TAFA1: variants seen among roughly 807,000 people sequenced by gnomAD.
TAFA1 encodes chemokine-like protein TAFA-1.
Under a neutral mutation model 18.5 loss-of-function variants are expected in TAFA1, and 4 were observed. The ratio of observed to expected loss-of-function variants is 0.22; its 90% CI spans 0.11 to 0.49. The LOEUF is 0.49. Among genes scored for constraint, TAFA1 ranks in the 20% least tolerant of loss-of-function variants. The pLI is 0.98. For missense variants in TAFA1, 147 were observed against 169.0 expected, an observed-to-expected ratio of 0.87 and a Z score of 0.72; for synonymous variants, 56 against 55.2, an observed-to-expected ratio of 1.01 and a Z score of -0.06.
chr3:68,335,583 AT>A (rs1005619696), intron 2 of TAFA1, among the ~76,000 whole-genome samples: 1 of 151,818 alleles, frequency 6.6e-6, no homozygotes, highest in Non-Finnish European at 1.5e-5. Flanking sequence ...AGTGGGACAA[AT>A]TTTTTTTTAA....
intron 2 of TAFA1, among the ~76,000 whole-genome samples, chr3:68,308,798 C>G (rs187329328): frequency 2.9e-4 from 44 of 152,244 alleles, no homozygotes; most frequent in Non-Finnish European, 4.7e-4. Flanking sequence ...CTCATACACA[C>G]AAACACACAC....
intron 2 of TAFA1, among the ~76,000 whole-genome samples, chr3:68,385,681 GC>G (rs1044178301): frequency 6.6e-6 from 1 of 151,914 alleles, no homozygotes; most frequent in African/African-American, 2.4e-5. Context: ...ATATCTAGAA[GC>G]CATTACAAAC....
chr3:68,012,653 AT>A (rs1233421212), intron 2 of TAFA1, among the ~76,000 whole-genome samples: 13 of 152,168 alleles, frequency 8.5e-5, no homozygotes, highest in African/African-American at 3.1e-4. Context: ...TATTTTTTGG[AT>A]TCATTTTTGG....
At chr3:68,460,015 G>A (rs536604189) in intron 3 of TAFA1, among the ~76,000 whole-genome samples, 8 of 152,210 alleles carry the variant, frequency 5.3e-5, no homozygotes, top group South Asian at 2.1e-4. Context: ...ATGGACAACT[G>A]CATATCATCT....
intron 2 of TAFA1, among the ~76,000 whole-genome samples, chr3:68,007,423 G>A (rs1215352155): frequency 6.6e-6 from 1 of 151,886 alleles, no homozygotes; most frequent in African/African-American, 2.4e-5. Flanking sequence ...ACCCTTCCAC[G>A]GCCTCGCTCT....
chr3:68,182,765 A>G (rs2066220572), intron 2 of TAFA1, among the ~76,000 whole-genome samples: 1 of 152,132 alleles, frequency 6.6e-6, no homozygotes, highest in Admixed American at 6.5e-5. Flanking sequence ...CGTAAAACAT[A>G]TTGCTTTATG....
intron 2 of TAFA1, among the ~76,000 whole-genome samples, chr3:68,160,584 A>G (rs2065913587): frequency 1.3e-5 from 2 of 152,256 alleles, no homozygotes; most frequent in South Asian, 2.1e-4. Context: ...TAATAATAGT[A>G]TCCACCTCAG....
At chr3:68,066,127 T>C (rs762278138) in intron 2 of TAFA1, among the ~76,000 whole-genome samples, 2 of 152,160 alleles carry the variant, frequency 1.3e-5, no homozygotes, top group Non-Finnish European at 2.9e-5. Context: ...ATTGTAGTGA[T>C]GGTTTCACAG....
At chr3:68,002,966 T>C (rs1317094709), upstream of TAFA1, among the ~76,000 whole-genome samples, 1 of 152,228 alleles carries the variant, frequency 6.6e-6, no homozygotes, top group Non-Finnish European at 1.5e-5. Flanking sequence ...GCTGTTATTA[T>C]TTTTTTATCT....
intron 3 of TAFA1, among the ~76,000 whole-genome samples, chr3:68,466,741 A>G (rs560441573): frequency 3.8e-4 from 58 of 152,314 alleles, no homozygotes; most frequent in African/African-American, 1.4e-3. Flanking sequence ...AGGGGCAGTC[A>G]TACTAAGATC....
At chr3:68,081,356 G>A (rs1362067693) in intron 2 of TAFA1, among the ~76,000 whole-genome samples, 1 of 152,090 alleles carries the variant, frequency 6.6e-6, no homozygotes. Flanking sequence ...TTGCTGGTGA[G>A]GACCTGCGTT....
At position 68,229,838 on chromosome 3, in the gene TAFA1, A is replaced by G. The variant is rs2066848703; in HGVS notation, c.119-187442A>G. Among the ~76,000 whole-genome samples the G allele has an allele frequency of 3.3e-5, 5 of 152,334 alleles. No individual in the cohort carries two copies. The East Asian group carries it at 9.6e-4, about 29-fold the overall frequency. On this transcript the variant is annotated intron_variant, in intron 2 of 4. Coordinates refer to ENST00000478136, the MANE Select transcript of TAFA1 (RefSeq NM_213609.4). The stretch of plus-strand genomic sequence containing the variant: ...CCCTTAAGGCTCAGTTTCTTCATCT[A>G]TATAACGGAGAGATATATAATGCTT...
At chr3:68,300,534 G>C (rs1470935671) in intron 2 of TAFA1, among the ~76,000 whole-genome samples, 1 of 152,116 alleles carries the variant, frequency 6.6e-6, no homozygotes, top group Non-Finnish European at 1.5e-5. Context: ...GGGCTTTTGG[G>C]TTAATGCTGG....
chr3:68,463,545 A>G (rs1416389586), intron 3 of TAFA1, among the ~76,000 whole-genome samples: 1 of 152,048 alleles, frequency 6.6e-6, no homozygotes, highest in Non-Finnish European at 1.5e-5. Context: ...TGTGTTGTGT[A>G]ACTTCTCTAC....
At chr3:68,267,869 C>T (rs182946952) in intron 2 of TAFA1, among the ~76,000 whole-genome samples, 11 of 152,184 alleles carry the variant, frequency 7.2e-5, no homozygotes, top group South Asian at 2.1e-4. Context: ...GAAGACTACT[C>T]GCACACGATA....
chr3:68,141,636 G>T (rs569188339), intron 2 of TAFA1, among the ~76,000 whole-genome samples: 18 of 152,262 alleles, frequency 1.2e-4, no homozygotes, highest in African/African-American at 4.1e-4. Context: ...GATAAGTTTT[G>T]GTCTGCTGGC....
intron 3 of TAFA1, among the ~76,000 whole-genome samples, chr3:68,514,691 A>T (rs1443868144): frequency 1.3e-5 from 2 of 150,626 alleles, no homozygotes; most frequent in East Asian, 4.0e-4. Context: ...GCCTAGTTTT[A>T]TATAACACCA....
At chr3:68,112,120 A>G (rs2065270002) in intron 2 of TAFA1, among the ~76,000 whole-genome samples, 1 of 152,102 alleles carries the variant, frequency 6.6e-6, no homozygotes, top group Non-Finnish European at 1.5e-5. Context: ...ACTCATATAG[A>G]GAAGAGACAG....
rs184880528 is a variant in TAFA1 at position 68,432,254 on chromosome 3, G to A, written c.259+14834G>A. 5.9e-5 allele frequency among the ~76,000 whole-genome samples: 9 copies of A among 151,916 alleles called. No individual in the cohort carries two copies. In the East Asian group the frequency reaches 1.2e-3, roughly 20 times the overall value. On this transcript the variant is annotated intron_variant, in intron 3 of 4. Coordinates refer to ENST00000478136, the MANE Select transcript of TAFA1 (RefSeq NM_213609.4). The stretch of plus-strand genomic sequence containing the variant: ...CTCATTTCATAACGTGTCCTTAAAC[G>A]TATTACCCTCTTGGAACCACAGTCT...
Sources: allele counts gnomAD v4.1 joint callset (sites outside exome capture counted in the v4.1 genomes callset), GRCh38; gene constraint gnomAD v4.1.1; transcripts MANE v1.5; gene names NCBI Gene and HGNC (gene_info 2026-07-23, HGNC 2026-07-21).